DPP6: variants seen among roughly 807,000 people sequenced by gnomAD.
The protein encoded by DPP6 is A-type potassium channel modulatory protein DPP6.
A neutral mutation model predicts 122.6 loss-of-function variants in DPP6; 69 were observed. The observed-to-expected ratio is 0.56, with a 90% CI of 0.46 to 0.69. DPP6 has a LOEUF of 0.69. Ranked by LOEUF, DPP6 falls within the 30% of genes least tolerant of loss-of-function variation. DPP6 has a pLI of 0.00. For missense variants in DPP6, 928 were observed against 1,116.9 expected (o/e 0.83, Z 2.41); for synonymous variants, 418 against 433.1 (o/e 0.97, Z 0.43).
chr7:154,351,295 C>T (rs751345911), intron 1 of DPP6, among the ~76,000 whole-genome samples: 83 of 152,088 alleles, frequency 5.5e-4, no homozygotes, highest in Admixed American at 1.4e-3. Flanking sequence ...GCAGTAGAGG[C>T]GGGATCCCAC....
chr7:154,623,632 C>T (rs893424290), intron 5 of DPP6, among the ~76,000 whole-genome samples: 2 of 147,704 alleles, frequency 1.4e-5, no homozygotes, highest in African/African-American at 2.6e-5. Flanking sequence ...CGCACACATG[C>T]GTGCACACAC....
intron 1 of DPP6, among the ~76,000 whole-genome samples, chr7:153,918,937 C>A (rs1338583156): frequency 2.1e-5 from 3 of 142,400 alleles, no homozygotes; most frequent in Non-Finnish European, 4.5e-5. Flanking sequence ...CGAGATCATG[C>A]CACTGCACTC....
intron 1 of DPP6, among the ~76,000 whole-genome samples, chr7:154,278,604 A>G (rs1002791644): frequency 1.3e-5 from 2 of 152,276 alleles, no homozygotes; most frequent in African/African-American, 2.4e-5. Flanking sequence ...CAGTTGTTCT[A>G]GAACTTACAC....
chr7:154,650,344 T>G (rs1167031730), intron 6 of DPP6, among the ~76,000 whole-genome samples: 28 of 132,480 alleles, frequency 2.1e-4, no homozygotes, highest in East Asian at 4.5e-4. Context: ...AGGAAAGGAG[T>G]GGAGAGGAGG....
At chr7:154,822,804 C>A (rs1799887784) in intron 16 of DPP6, among the ~76,000 whole-genome samples, 1 of 152,182 alleles carries the variant, frequency 6.6e-6, no homozygotes, top group Admixed American at 6.5e-5. Flanking sequence ...CCTGTTTTCT[C>A]TCTTGCACGT....
intron 1 of DPP6, among the ~76,000 whole-genome samples, chr7:154,046,820 C>T (rs186494742): frequency 7.3e-4 from 111 of 152,322 alleles, no homozygotes; most frequent in Middle Eastern, 3.4e-3. Flanking sequence ...TCACACTCAA[C>T]CCTCCCTAAA....
At chr7:154,346,617 A>G (rs1291585147) in intron 1 of DPP6, among the ~76,000 whole-genome samples, 1 of 151,986 alleles carries the variant, frequency 6.6e-6, no homozygotes, top group African/African-American at 2.4e-5. Flanking sequence ...CCTCCTTCAC[A>G]CTTTTAATTG....
chr7:153,920,535 GTAGTC>G (rs1800582674), intron 1 of DPP6, among the ~76,000 whole-genome samples: 1 of 133,312 alleles, frequency 7.5e-6, no homozygotes, highest in South Asian at 2.6e-4. Flanking sequence ...TCCTGTGTAG[GTAGTC>G]AACCTTTTTC....
At chr7:154,554,652 G>A (rs1025973771) in intron 4 of DPP6, among the ~76,000 whole-genome samples, 2 of 152,122 alleles carry the variant, frequency 1.3e-5, no homozygotes, top group East Asian at 3.8e-4. Context: ...TATTTTTAAA[G>A]TCAGCATAAT....
intron 1 of DPP6, among the ~76,000 whole-genome samples, chr7:154,002,655 G>A (rs981481913): frequency 4.6e-5 from 7 of 152,114 alleles, no homozygotes; most frequent in Admixed American, 3.9e-4. Context: ...CCATCACTTG[G>A]TGGGACCATG....
intron 1 of DPP6, among the ~76,000 whole-genome samples, chr7:154,350,728 C>G (rs1810781203): frequency 1.3e-5 from 2 of 152,166 alleles, no homozygotes; most frequent in African/African-American, 4.8e-5. Flanking sequence ...CACCAGTACA[C>G]CAAAACAGCA....
upstream of DPP6, among the ~76,000 whole-genome samples, chr7:153,886,743 TACA>T (rs1461510531): frequency 6.6e-6 from 1 of 152,114 alleles, no homozygotes; most frequent in African/African-American, 2.4e-5. Flanking sequence ...AGTAACCTGT[TACA>T]ACATTATTTA....
intron 1 of DPP6, among the ~76,000 whole-genome samples, chr7:154,042,572 C>T (rs1362972410): frequency 1.3e-5 from 2 of 152,082 alleles, no homozygotes; most frequent in East Asian, 1.9e-4. Context: ...AGAACTCTTC[C>T]GTCATGCCAA....
chr7:154,598,396 C>G (rs78939338), intron 5 of DPP6, among the ~76,000 whole-genome samples: 7 of 152,092 alleles, frequency 4.6e-5, no homozygotes, highest in Admixed American at 4.6e-4. Flanking sequence ...TTCCAGGTAA[C>G]GTTATTTGTT....
rs535220959 is a variant in DPP6 at position 154,060,474 on chromosome 7, A to G, written c.243+7411A>G. Among the ~76,000 whole-genome samples, 13 of 130,128 alleles carry G rather than the reference A, an allele frequency of 1.0e-4. 2 individuals carry two copies. The highest frequency in any genetic ancestry group is 2.2e-4 in the African/African-American group (7 of 31,760). 85.4% of individuals were successfully genotyped at this position (130,128 alleles called of 152,430 possible). On this transcript the variant is annotated intron_variant, in intron 1 of 25. Coordinates refer to ENST00000377770, the MANE Select transcript of DPP6 (RefSeq NM_130797.4). ...GACCCTCTTCCCCCTCTGGCTTAGG[A>G]CCTCCATCGTTGATCCTAAGATCCT...
intron 1 of DPP6, among the ~76,000 whole-genome samples, chr7:154,093,494 C>T (rs1348914293): frequency 8.3e-6 from 1 of 120,654 alleles, no homozygotes; most frequent in African/African-American, 3.3e-5. Flanking sequence ...ACACAAACCA[C>T]ACACACAAAT....
intron 6 of DPP6, among the ~76,000 whole-genome samples, chr7:154,668,120 G>A (rs1037238230): frequency 1.4e-5 from 2 of 145,298 alleles, no homozygotes; most frequent in African/African-American, 5.0e-5. Flanking sequence ...CTGAAGTGCA[G>A]CATCCTCCCT....
chr7:154,164,134 T>G (rs1397930493), intron 1 of DPP6, among the ~76,000 whole-genome samples: 2 of 152,008 alleles, frequency 1.3e-5, no homozygotes, highest in African/African-American at 4.8e-5. Context: ...GTATTTTCCT[T>G]CTCAGAATAG....
At chr7:153,798,044 A>C in the DPP6 span, among the ~76,000 whole-genome samples, 1 of 152,022 alleles carries the variant, frequency 6.6e-6, no homozygotes, top group African/African-American at 2.4e-5. Context: ...GGGTTTCACC[A>C]TGTTAGCCAG....
Sources: allele counts gnomAD v4.1 joint callset (sites outside exome capture counted in the v4.1 genomes callset), GRCh38; gene constraint gnomAD v4.1.1; transcripts MANE v1.5; gene names NCBI Gene and HGNC (gene_info 2026-07-23, HGNC 2026-07-21).